STK32B: variants seen among roughly 807,000 people sequenced by gnomAD.
The protein encoded by STK32B is serine/threonine-protein kinase 32B.
Under a neutral mutation model 52.6 loss-of-function variants are expected in STK32B, and 43 were observed. The observed-to-expected ratio is 0.82, with a 90% confidence interval of 0.64 to 1.05. The LOEUF (loss-of-function observed/expected upper bound fraction) is 1.05, where lower values mean the gene tolerates loss of function less well. Among genes scored for constraint, STK32B ranks in the 50% least tolerant of loss-of-function variants. STK32B has a pLI of 0.00. For synonymous variants in STK32B, 238 were observed against 204.3 expected (o/e 1.17, Z -1.41); for missense variants, 621 against 534.6 (o/e 1.16, Z -1.59).
chr4:5,277,374 T>C (rs962145422), intron 3 of STK32B, among the ~76,000 whole-genome samples: 133 of 152,282 alleles, frequency 8.7e-4, no homozygotes, highest in African/African-American at 2.8e-3. Flanking sequence ...TGGAGTATTT[T>C]TTTTTTTCAG....
intron 3 of STK32B, among the ~76,000 whole-genome samples, chr4:5,263,554 C>A (rs1285017510): frequency 2.0e-5 from 3 of 152,246 alleles, no homozygotes; most frequent in Non-Finnish European, 4.4e-5. Flanking sequence ...TATGCAAAAT[C>A]ACCTGGCCTG....
At chr4:5,072,016 C>T (rs1711811896) in intron 1 of STK32B, among the ~76,000 whole-genome samples, 1 of 152,114 alleles carries the variant, frequency 6.6e-6, no homozygotes, top group South Asian at 2.1e-4. Flanking sequence ...GTGTGAGATG[C>T]CCCAACTCCT....
chr4:5,436,736 G>A (rs1714115516), intron 6 of STK32B: 1 of 945,868 alleles, frequency 1.1e-6, no homozygotes, highest in Non-Finnish European at 1.3e-6. Context: ...GGAATTCCCT[G>A]AACCTAGGAG....
intron 2 of STK32B, among the ~76,000 whole-genome samples, chr4:5,154,494 C>T (rs1338579859): frequency 6.6e-6 from 1 of 152,166 alleles, no homozygotes; most frequent in African/African-American, 2.4e-5. Context: ...GGATTACAGG[C>T]GTGAACCACC....
chr4:5,054,087 A>G (rs1741900254), intron 1 of STK32B, among the ~76,000 whole-genome samples: 1 of 152,140 alleles, frequency 6.6e-6, no homozygotes, highest in South Asian at 2.1e-4. Context: ...TTTTGCCAGT[A>G]TGTCTCTCAC....
intron 11 of STK32B, among the ~76,000 whole-genome samples, chr4:5,492,229 T>A (rs1577060360): frequency 6.6e-6 from 1 of 152,222 alleles, no homozygotes; most frequent in East Asian, 1.9e-4. Flanking sequence ...TGTTCTTCCA[T>A]TTCTTTGTAT....
chr4:5,093,161 A>G (rs1713188414), intron 1 of STK32B, among the ~76,000 whole-genome samples: 1 of 152,234 alleles, frequency 6.6e-6, no homozygotes, highest in African/African-American at 2.4e-5. Context: ...ATTAAGAAAA[A>G]GATATTTCAT....
intron 6 of STK32B, among the ~76,000 whole-genome samples, chr4:5,431,518 T>TTA (rs1025385867): frequency 2.6e-5 from 4 of 151,858 alleles, no homozygotes; most frequent in African/African-American, 9.7e-5. Flanking sequence ...TCCTTTTTTT[T>TTA]TTTATTTACT....
Position 5,194,174 on chromosome 4 carries a change from T to G in STK32B, c.260+25724T>G, listed in dbSNP as rs537825980. On this transcript the variant is annotated intron_variant, in intron 3 of 11. Coordinates refer to ENST00000282908, the MANE Select transcript of STK32B (RefSeq NM_018401.3). ...TGTTTTCTTACTTCTTTATAGAAAT[T>G]TTTTCCATCCTCAGAAAAAAAATGT... is the stretch of plus-strand genomic sequence containing the variant. Among the ~76,000 whole-genome samples the G allele has an allele frequency of 3.9e-5, 6 of 152,312 alleles. No homozygotes were observed. The East Asian group carries it at 9.6e-4, about 24-fold the overall frequency.
intron 4 of STK32B, among the ~76,000 whole-genome samples, chr4:5,340,485 G>T (rs981778976): frequency 6.6e-6 from 1 of 152,242 alleles, no homozygotes; most frequent in African/African-American, 2.4e-5. Context: ...GTCAAGGGTG[G>T]TAGGGAGCAC....
chr4:5,196,341 T>G (rs1327900933), intron 3 of STK32B, among the ~76,000 whole-genome samples: 1 of 83,802 alleles, frequency 1.2e-5, no homozygotes, highest in Non-Finnish European at 3.4e-5. Context: ...TCAGTTTTTT[T>G]TTTTTTTTTT....
intron 3 of STK32B, among the ~76,000 whole-genome samples, chr4:5,203,091 T>C (rs1722282314): frequency 6.6e-6 from 1 of 152,210 alleles, no homozygotes; most frequent in Non-Finnish European, 1.5e-5. Context: ...AACCAACCTC[T>C]CTGGCTTCAA....
At chr4:5,074,589 G>A (rs1029443414) in intron 1 of STK32B, among the ~76,000 whole-genome samples, 2 of 151,776 alleles carry the variant, frequency 1.3e-5, no homozygotes, top group Non-Finnish European at 2.9e-5. Flanking sequence ...ATTGTAGATG[G>A]TATATTATAG....
At chr4:5,347,009 G>A (rs972501207) in intron 4 of STK32B, among the ~76,000 whole-genome samples, 1 of 152,178 alleles carries the variant, frequency 6.6e-6, no homozygotes, top group Non-Finnish European at 1.5e-5. Flanking sequence ...ACTATCATGA[G>A]AACAGCATGA....
In STK32B at chr4:5,354,508, C is replaced by T. The variant is rs76963158; in HGVS notation, c.434+23115C>T. ...CTCAAACTCCTGACTTCAGGTGATC[C>T]GCCCACCTTGACCTCTCAAAGTGCT... On this transcript the variant is annotated intron_variant, in intron 4 of 11. Transcript: ENST00000282908. 9.6e-3 allele frequency among the ~76,000 whole-genome samples: 1,455 copies of T among 152,314 alleles called. 50 individuals are homozygous for T. In the East Asian group the frequency reaches 0.11, roughly 12 times the overall value.
At chr4:5,128,012 G>T (rs905600666) in intron 1 of STK32B, among the ~76,000 whole-genome samples, 2 of 152,194 alleles carry the variant, frequency 1.3e-5, no homozygotes, top group African/African-American at 4.8e-5. Flanking sequence ...CCCCAGCCAT[G>T]TGGGACTGTG....
intron 1 of STK32B, among the ~76,000 whole-genome samples, chr4:5,083,379 T>C (rs1434297712): frequency 6.6e-6 from 1 of 152,150 alleles, no homozygotes; most frequent in Admixed American, 6.6e-5. Flanking sequence ...CTTGACTGAG[T>C]TGTATTTTCA....
chr4:5,264,271 T>A (rs1726911587), intron 3 of STK32B, among the ~76,000 whole-genome samples: 1 of 152,240 alleles, frequency 6.6e-6, no homozygotes, highest in Admixed American at 6.5e-5. Context: ...TTACTAGAGT[T>A]CTGGTTACTC....
intron 1 of STK32B, among the ~76,000 whole-genome samples, chr4:5,135,759 A>T (rs1716037263): frequency 6.6e-6 from 1 of 152,168 alleles, no homozygotes. Context: ...GAAGTGGTAG[A>T]GTGGAAGGGC....
Sources: gnomAD v4.1 joint callset for allele counts (sites outside exome capture counted in the v4.1 genomes callset) on GRCh38, gnomAD v4.1.1 for gene constraint, MANE v1.5 for transcripts, NCBI Gene and HGNC (gene_info 2026-07-23, HGNC 2026-07-21) for gene names.